KIF19: variants seen among roughly 807,000 people sequenced by gnomAD.
KIF19 encodes the protein kinesin family member 19.
In KIF19, 98 loss-of-function variants were observed where a neutral mutation model predicts 106.6. The observed-to-expected ratio is 0.92, with a 90% confidence interval of 0.78 to 1.09. The LOEUF (loss-of-function observed/expected upper bound fraction) is 1.09, where lower values mean the gene tolerates loss of function less well. Among genes scored for constraint, KIF19 ranks in the 50% least tolerant of loss-of-function variants. The pLI is 0.00. For synonymous variants in KIF19, 516 were observed against 584.2 expected (o/e 0.88, Z 1.68); for missense variants, 1,373 against 1,414.3 (o/e 0.97, Z 0.47).
At chr17:74,354,638 TC>T (rs2144309225) in intron 18 of KIF19, 79 bp downstream of exon 18, 1 of 1,539,734 alleles carries the variant, frequency 6.5e-7, no homozygotes, top group East Asian at 2.4e-5. Context: ...CTCCAAAGGC[TC>T]CAGGGCACCT....
intron 2 of KIF19, among the ~76,000 whole-genome samples, chr17:74,329,887 T>C (rs2144192620): frequency 6.6e-6 from 1 of 152,294 alleles, no homozygotes; most frequent in Non-Finnish European, 1.5e-5. Context: ...CGTGAGCACC[T>C]GATGGGCCTG....
In KIF19 at chr17:74,347,747, C is replaced by T. The variant is rs578205556; in HGVS notation, c.925-30C>T. 10 of 1,580,170 alleles carry T rather than the reference C, an allele frequency of 6.3e-6. No individual in the cohort carries two copies. The South Asian group carries it at 9.3e-5, about 15-fold the overall frequency. On this transcript the variant is annotated intron_variant, in intron 8 of 19. Transcript: ENST00000389916. Reference sequence around the variant, plus strand: ...CAGGAGGAAGGCCTGAGGAGGCAGTCCCCACTGACCACAGCCACCTCCCAT... The same window carrying T: ...CAGGAGGAAGGCCTGAGGAGGCAGTTCCCACTGACCACAGCCACCTCCCAT...
rs1366191860 is a variant in KIF19 at position 74,347,876 on chromosome 17, C to T, written c.1024C>T (p.Arg342Trp). 9 of 1,583,786 alleles carry T rather than the reference C, an allele frequency of 5.7e-6. No individual in the cohort carries two copies. The highest frequency in any genetic ancestry group is 7.7e-6 in the Non-Finnish European group (9 of 1,165,582). Reference sequence around the variant, plus strand: ...CCGGAACACCCTGACCTACGCCGGCCGGGCCAAGAACATTAAGACTAGGGT... The same window carrying T: ...CCGGAACACCCTGACCTACGCCGGCTGGGCCAAGAACATTAAGACTAGGGT... The part of the protein sequence containing the change: ...ESRNTLTYAG[R>W]AKNIKTRVKQ... Residue 342 changes from arginine (R) to tryptophan (W), a missense_variant, in exon 9 of 20, where the codon CGG (arginine) becomes TGG (tryptophan). Coordinates refer to ENST00000389916, the MANE Select transcript of KIF19 (RefSeq NM_153209.4).
Position 74,354,856 on chromosome 17 carries a change from C to T in KIF19, c.2781C>T (p.Cys927=), listed in dbSNP as rs1365030131. 6 of 1,563,506 alleles carry T rather than the reference C, an allele frequency of 3.8e-6. No individual in the cohort carries two copies. Among genetic ancestry groups the T allele is most frequent in the Non-Finnish European group, 8.7e-7 (1 of 1,154,378 alleles). The stretch of plus-strand genomic sequence containing the variant: ...TCTCGGACCACAGGATGCCAGTGTG[C>T]AGGCACCCAGCCCCTGGTATCCGGC... ...ERISDHRMPV[C]RHPAPGIRHL... is the part of the protein sequence containing the mutation. Residue 927 remains cysteine, a synonymous_variant, in exon 19 of 20, where the codon TGC becomes TGT. Transcript: ENST00000389916.
At position 74,339,480 on chromosome 17, in the gene KIF19, G is replaced by A. The variant is rs112353728; in HGVS notation, c.121-2396G>A. Among the ~76,000 whole-genome samples the A allele has an allele frequency of 5.1e-4, 76 of 147,838 alleles. 2 individuals are homozygous for A. Among genetic ancestry groups the A allele is most frequent in the African/African-American group, 1.8e-3 (71 of 39,384 alleles). ...TTCCCTCCCACTGAAAGAGGGGACC[G>A]ATGAGACACCCATTCCCTACCTCCC... On this transcript the variant is annotated intron_variant, in intron 2 of 19. Transcript: ENST00000389916.
intron 2 of KIF19, chr17:74,329,478 A>C (rs56765756): frequency 0.3 from 45,559 of 150,416 alleles, 8,366 homozygotes; most frequent in Admixed American, 0.49. Flanking sequence ...AAAAAAAAAA[A>C]AAAACTGTGC....
At chr17:74,344,377 G>C (rs183286606) in intron 6 of KIF19, 29 bp downstream of exon 6, 1 of 1,606,178 alleles carries the variant, frequency 6.2e-7, no homozygotes, top group African/African-American at 1.3e-5. Context: ...GCCTGGAGCC[G>C]CTGAGAGGAA....
rs557702262 is a variant in KIF19, at chr17:74,349,757, T to A, written c.1213+408T>A. ...TTCCAACAGACAGTAAAGCTTTTTT[T>A]AAAAAAAAATTTACTAATATAAAGA... On this transcript the variant is annotated intron_variant, in intron 10 of 19. Transcript: ENST00000389916. 9.1e-4 allele frequency among the ~76,000 whole-genome samples: 138 copies of A among 151,562 alleles called. 1 individual carries two copies. The highest frequency in any genetic ancestry group is 8.9e-3 in the South Asian group (43 of 4,812).
chr17:74,344,259 T>C lies in KIF19; in HGVS notation c.493T>C (p.Ser165Pro). 1 of 1,599,254 alleles carries C rather than the reference T, an allele frequency of 6.3e-7. No individual in the cohort carries two copies. Among genetic ancestry groups the C allele is most frequent in the Non-Finnish European group, 8.5e-7 (1 of 1,171,444 alleles). The change falls in exon 6 of 20, where the codon TCC (serine) becomes CCC (proline). Residue 165 changes from serine to proline, a missense_variant. Around this residue, in one of 3 missense-constraint regions of KIF19, gnomAD observed 348 missense variants for 389.5 expected, o/e 0.89. Transcript: ENST00000389916. ...GATGATCCGGGACCTGCTGAACCCC[T>C]CCCTGGGCTACCTGGAGCTGCGGGA... ...NEMIRDLLNPSLGYLELREDS... is the reference protein window; with the variant it reads ...NEMIRDLLNPPLGYLELREDS...
At position 74,353,526 on chromosome 17, in the gene KIF19, C is replaced by T. The variant is rs2054781144; in HGVS notation, c.2253C>T (p.Ile751=). ...APAQDSLGSW[I]NSSPDSSENL... ...CTCAGGACAGCCTGGGCAGCTGGAT[C>T]AACTCTTCCCCTGACAGCAGTGAGA... The change falls in exon 17 of 20, where the codon ATC becomes ATT. Residue 751 remains isoleucine, a synonymous_variant. Coordinates refer to ENST00000389916, the MANE Select transcript of KIF19 (RefSeq NM_153209.4). The T allele has an allele frequency of 1.2e-6, 2 of 1,613,788 alleles. No individual in the cohort carries two copies. The highest frequency in any genetic ancestry group is 1.7e-6 in the Non-Finnish European group (2 of 1,179,898).
intron 4 of KIF19, 109 bp from the exon 5 acceptor site, chr17:74,342,915 T>C (rs1211493243): frequency 2.2e-6 from 3 of 1,370,958 alleles, no homozygotes; most frequent in Non-Finnish European, 2.9e-6. Context: ...TCCCTGGCCC[T>C]CTGAGAGGGC....
rs1310618885 is a variant in KIF19, at chr17:74,352,046, G to A, written c.1767G>A (p.Ala589=). ...CGCACGCGCTGCTCCGCGACGGTGC[G>A]CTCCGCCACCGCCACGAGGCCGTGC... The part of the protein sequence containing the change: ...MQSHALLRDG[A]LRHRHEAVRR... Residue 589 remains alanine, a synonymous_variant, in exon 13 of 20, where the codon GCG becomes GCA. Coordinates refer to ENST00000389916, the MANE Select transcript of KIF19 (RefSeq NM_153209.4). 2.5e-6 allele frequency: 4 copies of A among 1,579,298 alleles called. No individual in the cohort carries two copies. Among genetic ancestry groups the A allele is most frequent in the Non-Finnish European group, 2.6e-6 (3 of 1,169,480 alleles).
Position 74,344,958 on chromosome 17 carries a change from G to T in KIF19, c.777+3G>T, listed in dbSNP as rs773524953. Reference sequence around the variant, plus strand: ...CTGGCTCAGAGCGCGCCTCGCAGGTGAGGCTGGGACCTGGGCTGGGCAGAG... The same window carrying T: ...CTGGCTCAGAGCGCGCCTCGCAGGTTAGGCTGGGACCTGGGCTGGGCAGAG... On this transcript the variant is annotated splice_donor_region_variant and intron_variant, in intron 7 of 19. Coordinates refer to ENST00000389916, the MANE Select transcript of KIF19 (RefSeq NM_153209.4). The T allele has an allele frequency of 1.3e-6, 2 of 1,597,788 alleles. No homozygotes were observed. The highest frequency in any genetic ancestry group is 2.2e-5 in the South Asian group (2 of 89,856).
chr17:74,354,265 G>A lies in KIF19; in HGVS notation c.2412G>A (p.Ala804=), dbSNP rs767160041. The A allele has an allele frequency of 5.0e-5, 80 of 1,608,404 alleles. 1 individual carries two copies. Among genetic ancestry groups the A allele is most frequent in the Middle Eastern group, 3.3e-4 (2 of 6,072 alleles). ...AGGGGCGACACCTGCTGGCACCCGC[G>A]ACAGAGCGCAGCAGCCTGTCCCTGC... ...GTEGRHLLAP[A]TERSSLSLHS... Residue 804 remains alanine, a synonymous_variant, in exon 18 of 20, where the codon GCG becomes GCA. Coordinates refer to ENST00000389916, the MANE Select transcript of KIF19 (RefSeq NM_153209.4).
rs2054470447 is a variant in KIF19, at chr17:74,344,359, T to G, written c.582+11T>G. The G allele has an allele frequency of 6.2e-7, 1 of 1,610,854 alleles. No homozygotes were observed. The highest frequency in any genetic ancestry group is 2.2e-5 in the East Asian group (1 of 44,824). On this transcript the variant is annotated intron_variant, in intron 6 of 19. Transcript: ENST00000389916. ...ATCAATGCCAAGGAGGCGAGTTTTG[T>G]GTGGCCAGCCTGGAGCCGCTGAGAG...
chr17:74,347,641 T>A (rs1045710542), intron 8 of KIF19, 136 bp from the exon 9 acceptor site: 2 of 980,228 alleles, frequency 2.0e-6, no homozygotes, highest in African/African-American at 3.2e-5. Context: ...TCACACCATA[T>A]GACGCTCAGC....
In KIF19 at chr17:74,331,873, A is replaced by G. The variant is rs1316733696; in HGVS notation, c.120+3368A>G. On this transcript the variant is annotated intron_variant, in intron 2 of 19. Coordinates refer to ENST00000389916, the MANE Select transcript of KIF19 (RefSeq NM_153209.4). This position sits in a 1 kb window ranked among gnomAD's most constrained non-coding sequence, Gnocchi z 4.1. ...ATTACAGGTGTGAGCCACTGTGCCC[A>G]GCCGGTTTGGATTTTTAATGGGGAT... Among the ~76,000 whole-genome samples, 1 of 152,024 alleles carries G rather than the reference A, an allele frequency of 6.6e-6. No homozygotes were observed. Among genetic ancestry groups the G allele is most frequent in the African/African-American group, 2.4e-5 (1 of 41,400 alleles).
At chr17:74,332,647 G>A (rs1427625195) in intron 2 of KIF19, among the ~76,000 whole-genome samples, 1 of 152,210 alleles carries the variant, frequency 6.6e-6, no homozygotes, top group Non-Finnish European at 1.5e-5. Context: ...CTAGCTGTGG[G>A]GCCTAGGCCA....
At chr17:74,337,082 C>A (rs1182771169) in intron 2 of KIF19, among the ~76,000 whole-genome samples, 1 of 152,182 alleles carries the variant, frequency 6.6e-6, no homozygotes, top group Non-Finnish European at 1.5e-5. Flanking sequence ...GATCTGCCCA[C>A]CTCAGCCTCC....
Sources: allele counts gnomAD v4.1 joint callset (sites outside exome capture counted in the v4.1 genomes callset), GRCh38; gene constraint gnomAD v4.1.1; regional missense constraint gnomAD v4.1.1; non-coding constraint Gnocchi (gnomAD v3.1); transcripts MANE v1.5; gene names NCBI Gene and HGNC (gene_info 2026-07-23, HGNC 2026-07-21).